FMOD: variants seen among roughly 807,000 people sequenced by gnomAD.
The protein encoded by FMOD is fibromodulin.
FMOD carries 15 observed loss-of-function variants against 27.0 expected under a neutral mutation model. That is an observed-to-expected ratio of 0.55 (90% CI 0.37 to 0.85). FMOD has a LOEUF of 0.85. FMOD is among the 40% of genes least tolerant of loss of function. The pLI is 0.00. For synonymous variants in FMOD, 210 were observed against 214.0 expected (o/e 0.98, Z 0.16); for missense variants, 460 against 483.2 (o/e 0.95, Z 0.45).
intron 2 of FMOD, among the ~76,000 whole-genome samples, chr1:203,346,790 T>G (rs934582687): frequency 8.5e-5 from 13 of 152,222 alleles, no homozygotes; most frequent in Non-Finnish European, 2.9e-5. Flanking sequence ...ACCATTCTCC[T>G]GAAACAGACT....
Position 203,347,597 on chromosome 1 carries a change from A to G in FMOD, c.674T>C (p.Leu225Pro). The change falls in exon 2 of 3, where the codon CTG becomes CCG. Residue 225 changes from leucine to proline, a missense_variant. Physicochemically the swap from Leu to Pro is moderately conservative, Grantham distance 98. Coordinates refer to ENST00000354955, the MANE Select transcript of FMOD (RefSeq NM_002023.5). Reference sequence around the variant, plus strand: ...GTTATAACTCAGGTCCAGCAAGATCAGTGACCGGAGGCCCCTCATGGAACT... The same window carrying G: ...GTTATAACTCAGGTCCAGCAAGATCGGTGACCGGAGGCCCCTCATGGAACT... The part of the protein sequence containing the change: ...VGSSMRGLRS[L>P]ILLDLSYNHL... The G allele has an allele frequency of 6.2e-7, 1 of 1,614,232 alleles. No homozygotes were observed. The highest frequency in any genetic ancestry group is 8.5e-7 in the Non-Finnish European group (1 of 1,180,036).
chr1:203,342,415 G>C lies in FMOD; in HGVS notation c.1059C>G (p.Asn353Lys). The C allele has an allele frequency of 3.7e-6, 6 of 1,614,144 alleles. No individual in the cohort carries two copies. The highest frequency in any genetic ancestry group is 5.1e-6 in the Non-Finnish European group (6 of 1,180,018). ...SKLQVLRLDG[N>K]EIKRSAMPAD... Reference sequence around the variant, plus strand: ...CAGGCATGGCGCTGCGCTTGATCTCGTTCCCGTCCAGGCGCAGCACCTGCA... The same window carrying C: ...CAGGCATGGCGCTGCGCTTGATCTCCTTCCCGTCCAGGCGCAGCACCTGCA... Residue 353 changes from asparagine to lysine, a missense_variant, in exon 3 of 3, where the codon AAC (asparagine) becomes AAG (lysine). Transcript: ENST00000354955.
At position 203,347,426 on chromosome 1, in the gene FMOD, T is replaced by A; in HGVS notation, c.845A>T (p.Asn282Ile). 6.2e-7 allele frequency: 1 copy of A among 1,614,122 alleles called. No individual in the cohort carries two copies. The highest frequency in any genetic ancestry group is 8.5e-7 in the Non-Finnish European group (1 of 1,180,012). ...GAAGGTGTTGGAGGCCAGGCCATTG[T>A]TGGTTAGACTGTTGTGGGACAGCCG... ...YVRLSHNSLT[N>I]NGLASNTFNS... The change falls in exon 2 of 3, where the codon AAC becomes ATC. Residue 282 changes from asparagine to isoleucine, a missense_variant. Asn to Ile is a moderately radical substitution (Grantham distance 149). Transcript: ENST00000354955.
Position 203,347,943 on chromosome 1 carries a change from C to T in FMOD, c.328G>A (p.Val110Met). The change falls in exon 2 of 3, where the codon GTG (valine) becomes ATG (methionine). Residue 110 changes from valine to methionine, a missense_variant. Transcript: ENST00000354955. ...GTGATCTGGTTGTTCTGGAAGTACACATACTTCATGCGGGAGGGAACGAAG... is the reference window on the plus strand; with the variant it reads ...GTGATCTGGTTGTTCTGGAAGTACATATACTTCATGCGGGAGGGAACGAAG... ...LPFVPSRMKY[V>M]YFQNNQITSI... 6.2e-7 allele frequency: 1 copy of T among 1,610,022 alleles called. No individual in the cohort carries two copies. The highest frequency in any genetic ancestry group is 8.5e-7 in the Non-Finnish European group (1 of 1,176,810).
intron 2 of FMOD, among the ~76,000 whole-genome samples, chr1:203,344,197 C>A (rs183307011): frequency 3.9e-5 from 6 of 152,238 alleles, no homozygotes; most frequent in Admixed American, 2.0e-4. Context: ...AGCAAAGTGG[C>A]TCAGCTTAAG....
At chr1:203,345,519 G>A (rs1658871789) in intron 2 of FMOD, among the ~76,000 whole-genome samples, 1 of 152,234 alleles carries the variant, frequency 6.6e-6, no homozygotes, top group African/African-American at 2.4e-5. Flanking sequence ...TGGATTCAGA[G>A]TGTGTGGCAG....
At position 203,348,176 on chromosome 1, in the gene FMOD, C is replaced by T. The variant is rs777163434; in HGVS notation, c.95G>A (p.Arg32His). The change falls in exon 2 of 3, where the codon CGC becomes CAC. Residue 32 changes from arginine to histidine, a missense_variant. Arg to His is a conservative substitution (Grantham distance 29). Coordinates refer to ENST00000354955, the MANE Select transcript of FMOD (RefSeq NM_002023.5). ...DDPHWWFHYL[R>H]SQQSTYYDPY... is the part of the protein sequence containing the mutation. ...ATCGTAGTAGGTGGACTGCTGGCTG[C>T]GGAGGTAGTGGAACCACCAATGAGG... 36 of 1,613,958 alleles carry T rather than the reference C, an allele frequency of 2.2e-5. No individual in the cohort carries two copies. In the Admixed American group the frequency reaches 3.7e-4, roughly 16 times the overall value.
In FMOD at chr1:203,347,802, G is replaced by C. The variant is rs201152036; in HGVS notation, c.469C>G (p.Leu157Val). The change falls in exon 2 of 3, where the codon CTG becomes GTG. Residue 157 changes from leucine (L) to valine (V), a missense_variant. Transcript: ENST00000354955. ...GRKVFSKLRHLERLYLDHNNL... is the reference protein window; with the variant it reads ...GRKVFSKLRHVERLYLDHNNL... ...TTGTGGTCCAGGTACAGCCTCTCCA[G>C]GTGCCTCAGCTTGGAGAAGACCTTC... The C allele has an allele frequency of 1.9e-6, 3 of 1,613,930 alleles. No homozygotes were observed. Among genetic ancestry groups the C allele is most frequent in the African/African-American group, 2.7e-5 (2 of 75,054 alleles).
chr1:203,348,199 A>G lies in FMOD; in HGVS notation c.72T>C (p.Pro24=). 1 of 1,614,116 alleles carries G rather than the reference A, an allele frequency of 6.2e-7. No individual in the cohort carries two copies. The highest frequency in any genetic ancestry group is 1.3e-5 in the African/African-American group (1 of 75,010). ...SLSQAQYEDD[P]HWWFHYLRSQ... is the part of the protein sequence containing the mutation. The stretch of plus-strand genomic sequence containing the variant: ...TGCGGAGGTAGTGGAACCACCAATG[A>G]GGGTCATCTTCATACTGGGCCTGGG... The change falls in exon 2 of 3, where the codon CCT becomes CCC. Residue 24 remains proline (P), a synonymous_variant. Transcript: ENST00000354955.
intron 2 of FMOD, among the ~76,000 whole-genome samples, chr1:203,345,998 T>C (rs10737585): frequency 0.95 from 143,818 of 152,108 alleles, 68,533 homozygotes; most frequent in East Asian, 1. Flanking sequence ...GAGTTTAGGC[T>C]GTACATGATG....
At position 203,342,071 on chromosome 1, in the gene FMOD, C is replaced by T. The variant is rs1255418412; in HGVS notation, c.*272G>A. 1.2e-5 allele frequency: 5 copies of T among 420,858 alleles called. No homozygotes were observed. Among genetic ancestry groups the T allele is most frequent in the South Asian group, 8.5e-5 (2 of 23,660 alleles). 26.1% of individuals were successfully genotyped at this position (420,858 alleles called of 1,614,324 possible). On this transcript the variant is annotated 3_prime_UTR_variant, in exon 3 of 3. Coordinates refer to ENST00000354955, the MANE Select transcript of FMOD (RefSeq NM_002023.5). ...AGATCATTGGGAAGAACTTAAGAGC[C>T]GTGAGATTTATGGGGTTGGAACATC...
rs1658932756 is a variant in FMOD at position 203,348,267 on chromosome 1, G to A, written c.4C>T (p.Gln2Ter). Residue 2 changes from glutamine (Q) to a stop codon, truncating the protein, a stop_gained, in exon 2 of 3, where the codon CAG becomes TAG. Transcript: ENST00000354955. LOFTEE classifies it high-confidence loss of function. M[Q>*]WTSLLLLAGL... is the part of the protein sequence containing the mutation. The stretch of plus-strand genomic sequence containing the variant: ...GCCAGCAGCAGGAGGGAGGTCCACT[G>A]CATTTTGTCTCTGCAAGAAGCGGGA... 1 of 1,612,420 alleles carries A rather than the reference G, an allele frequency of 6.2e-7. No individual in the cohort carries two copies. Among genetic ancestry groups the A allele is most frequent in the African/African-American group, 1.3e-5 (1 of 74,932 alleles).
chr1:203,342,159 C>T lies in FMOD; in HGVS notation c.*184G>A. ...AAAAGAGTGAGCTTCTGCCTATGTC[C>T]TCAGCAGAAGGCTGCCTGTCCCTGA... On this transcript the variant is annotated 3_prime_UTR_variant, in exon 3 of 3. Coordinates refer to ENST00000354955, the MANE Select transcript of FMOD (RefSeq NM_002023.5). 1.6e-6 allele frequency: 1 copy of T among 619,650 alleles called. No homozygotes were observed. The highest frequency in any genetic ancestry group is 2.7e-6 in the Non-Finnish European group (1 of 373,594). 38.4% of individuals were successfully genotyped at this position (619,650 alleles called of 1,614,324 possible).
chr1:203,349,998 G>C (rs140013273), intron 1 of FMOD, among the ~76,000 whole-genome samples: 1 of 152,206 alleles, frequency 6.6e-6, no homozygotes, highest in South Asian at 2.1e-4. Context: ...CGAATGGAGC[G>C]GCCCACTGCC....
At chr1:203,345,004 G>A (rs1418871931) in intron 2 of FMOD, among the ~76,000 whole-genome samples, 3 of 152,168 alleles carry the variant, frequency 2.0e-5, no homozygotes, top group East Asian at 1.9e-4. Flanking sequence ...GAGAAGAAAG[G>A]CTAATAATAA....
At position 203,348,283 on chromosome 1, in the gene FMOD, A is replaced by G. The variant is rs568217201; in HGVS notation, c.-7-6T>C. ...AGGTCCACTGCATTTTGTCTCTGCAAGAAGCGGGAGAGAACAGAGCAAGCC... is the reference window on the plus strand; with the variant it reads ...AGGTCCACTGCATTTTGTCTCTGCAGGAAGCGGGAGAGAACAGAGCAAGCC... On this transcript the variant is annotated splice_polypyrimidine_tract_variant and splice_region_variant and intron_variant, in intron 1 of 2. Coordinates refer to ENST00000354955, the MANE Select transcript of FMOD (RefSeq NM_002023.5). 6.2e-6 allele frequency: 10 copies of G among 1,607,612 alleles called. No homozygotes were observed. Among genetic ancestry groups the G allele is most frequent in the Non-Finnish European group, 7.6e-6 (9 of 1,176,738 alleles).
chr1:203,348,430 G>C lies in FMOD; in HGVS notation c.-7-153C>G, dbSNP rs561810876. Among the ~76,000 whole-genome samples, 17 of 152,320 alleles carry C rather than the reference G, an allele frequency of 1.1e-4. No homozygotes were observed. The South Asian group carries it at 3.1e-3, about 28-fold the overall frequency. ...CAGGAGCCTTGCTCTCATTTCTTCG[G>C]TGCCTCCTCCCAGTCTGGTTCTGCA... On this transcript the variant is annotated intron_variant, in intron 1 of 2. Coordinates refer to ENST00000354955, the MANE Select transcript of FMOD (RefSeq NM_002023.5).
chr1:203,350,845 A>G (rs1390077455), intron 1 of FMOD, among the ~76,000 whole-genome samples, 188 bp downstream of exon 1: 5 of 152,346 alleles, frequency 3.3e-5, no homozygotes, highest in African/African-American at 4.8e-5. Context: ...AGAAAGGTAC[A>G]GGGCTGGAAC....
chr1:203,343,905 G>A (rs1376579799), intron 2 of FMOD, among the ~76,000 whole-genome samples: 1 of 152,214 alleles, frequency 6.6e-6, no homozygotes, highest in Non-Finnish European at 1.5e-5. Flanking sequence ...AAGATAAGAT[G>A]AGGTGAGGTT....
Sources: allele counts gnomAD v4.1 joint callset (sites outside exome capture counted in the v4.1 genomes callset), GRCh38; gene constraint gnomAD v4.1.1; transcripts MANE v1.5; gene names NCBI Gene and HGNC (gene_info 2026-07-23, HGNC 2026-07-21).